NKAIN2: variants seen among roughly 807,000 people sequenced by gnomAD.
NKAIN2 encodes sodium/potassium transporting ATPase interacting 2, also known as sodium/potassium-transporting ATPase subunit beta-1-interacting protein 2.
Under a neutral mutation model 32.6 loss-of-function variants are expected in NKAIN2, and 14 were observed. The observed-to-expected ratio is 0.43, with a 90% CI of 0.28 to 0.67. The LOEUF is 0.67. Ranked by LOEUF, NKAIN2 falls within the 30% of genes least tolerant of loss-of-function variation. The probability of loss-of-function intolerance (pLI) is 0.17; values close to 1 mark genes in which losing one functional copy is unlikely to be tolerated. For missense variants in NKAIN2, 198 were observed against 258.3 expected (o/e 0.77, Z 1.60); for synonymous variants, 80 against 87.2 (o/e 0.92, Z 0.46).
chr6:124,818,348 C>A (rs866373018), intron 5 of NKAIN2, 39 bp from the exon 6 acceptor site: 4 of 1,092,742 alleles, frequency 3.7e-6, no homozygotes, highest in Non-Finnish European at 5.6e-6. Context: ...GGATGTATAT[C>A]TCTTCTGAAA....
At chr6:124,553,148 A>G (rs747691589) in intron 3 of NKAIN2, among the ~76,000 whole-genome samples, 1 of 152,188 alleles carries the variant, frequency 6.6e-6, no homozygotes, top group Non-Finnish European at 1.5e-5. Flanking sequence ...CTTGGGTAAA[A>G]TATTTTTATG....
At chr6:124,352,500 T>G (rs1236884608) in intron 2 of NKAIN2, among the ~76,000 whole-genome samples, 4 of 152,328 alleles carry the variant, frequency 2.6e-5, no homozygotes, top group Admixed American at 6.5e-5. Flanking sequence ...ATTGACATTT[T>G]TAAATACTAT....
At chr6:124,082,404 A>T (rs1784016854) in intron 1 of NKAIN2, among the ~76,000 whole-genome samples, 1 of 152,050 alleles carries the variant, frequency 6.6e-6, no homozygotes, top group Non-Finnish European at 1.5e-5. Context: ...GTAGACAGGC[A>T]TGTGAGAAAT....
intron 1 of NKAIN2, among the ~76,000 whole-genome samples, chr6:124,118,112 A>G (rs1785704164): frequency 6.6e-6 from 1 of 152,146 alleles, no homozygotes; most frequent in Non-Finnish European, 1.5e-5. Flanking sequence ...GGGATAAGGC[A>G]TGATGCTATC....
At chr6:124,402,267 A>T (rs1385905335) in intron 3 of NKAIN2, among the ~76,000 whole-genome samples, 1 of 152,194 alleles carries the variant, frequency 6.6e-6, no homozygotes, top group Admixed American at 6.5e-5. Context: ...GTGTAATCTA[A>T]TAGAAGTCGA....
intron 1 of NKAIN2, among the ~76,000 whole-genome samples, chr6:124,170,210 A>G (rs534568996): frequency 6.6e-6 from 1 of 151,862 alleles, no homozygotes; most frequent in South Asian, 2.1e-4. Flanking sequence ...TCCTCTTTGC[A>G]CTCTCTCTTT....
chr6:124,104,989 C>T (rs1465295413), intron 1 of NKAIN2, among the ~76,000 whole-genome samples: 1 of 152,086 alleles, frequency 6.6e-6, no homozygotes, highest in Non-Finnish European at 1.5e-5. Flanking sequence ...CAATGTTGGA[C>T]TTTGAATAGG....
intron 1 of NKAIN2, among the ~76,000 whole-genome samples, chr6:124,013,827 C>T (rs150561076): frequency 2.6e-5 from 4 of 152,224 alleles, no homozygotes; most frequent in African/African-American, 9.6e-5. Context: ...GAGATGTGGC[C>T]TTTCTGGCTT....
intron 4 of NKAIN2, among the ~76,000 whole-genome samples, chr6:124,692,892 T>C (rs1212740728): frequency 6.6e-6 from 1 of 152,160 alleles, no homozygotes; most frequent in African/African-American, 2.4e-5. Context: ...CAAGACGAAC[T>C]ATGCATTTGA....
At chr6:124,811,675 A>G (rs990917527) in intron 5 of NKAIN2, among the ~76,000 whole-genome samples, 1 of 152,154 alleles carries the variant, frequency 6.6e-6, no homozygotes, top group East Asian at 1.9e-4. Flanking sequence ...CCCACACTGC[A>G]GATAAGAAAA....
At chr6:124,189,680 C>G (rs1562411561) in intron 1 of NKAIN2, among the ~76,000 whole-genome samples, 1 of 151,926 alleles carries the variant, frequency 6.6e-6, no homozygotes, top group Non-Finnish European at 1.5e-5. Flanking sequence ...GACTCCATCT[C>G]AAAAAATAAA....
chr6:123,857,123 C>T (rs1775584468), intron 1 of NKAIN2, among the ~76,000 whole-genome samples: 1 of 152,062 alleles, frequency 6.6e-6, no homozygotes, highest in African/African-American at 2.4e-5. Context: ...GCTATGAAAC[C>T]TCTGTCCAGA....
chr6:123,952,075 A>G (rs1777353974), intron 1 of NKAIN2, among the ~76,000 whole-genome samples: 1 of 152,046 alleles, frequency 6.6e-6, no homozygotes, highest in African/African-American at 2.4e-5. Flanking sequence ...CATTTCTTGT[A>G]GGTACAGTCT....
intron 1 of NKAIN2, among the ~76,000 whole-genome samples, chr6:124,011,399 CTTT>C (rs78219806): frequency 2.1e-5 from 3 of 141,550 alleles, no homozygotes; most frequent in Non-Finnish European, 1.5e-5. Flanking sequence ...AATTCCTGTT[CTTT>C]TTTTTTTTTT....
intron 1 of NKAIN2, among the ~76,000 whole-genome samples, chr6:124,095,810 G>A (rs1446363511): frequency 2.0e-5 from 3 of 152,130 alleles, no homozygotes; most frequent in African/African-American, 7.2e-5. Flanking sequence ...TCAACATCAA[G>A]CTTACCTATT....
At chr6:124,338,775 A>AG (rs1350177861) in intron 2 of NKAIN2, among the ~76,000 whole-genome samples, 1 of 152,206 alleles carries the variant, frequency 6.6e-6, no homozygotes, top group Non-Finnish European at 1.5e-5. Context: ...ATAACCAAAA[A>AG]AAAATTTTCT....
At chr6:124,490,379 C>T (rs1475375065) in intron 3 of NKAIN2, 1 of 438,254 alleles carries the variant, frequency 2.3e-6, no homozygotes, top group Admixed American at 2.6e-5. Flanking sequence ...TGGAATTTCC[C>T]TCAAAGGAAA....
chr6:124,473,438 T>C (rs1442314586), intron 3 of NKAIN2, among the ~76,000 whole-genome samples: 1 of 152,202 alleles, frequency 6.6e-6, no homozygotes, highest in African/African-American at 2.4e-5. Flanking sequence ...CAGATTGTGT[T>C]TTTTTAATTC....
chr6:124,402,073 T>C (rs927787849), intron 3 of NKAIN2, among the ~76,000 whole-genome samples: 1 of 152,174 alleles, frequency 6.6e-6, no homozygotes, highest in African/African-American at 2.4e-5. Context: ...ACATGTTTGG[T>C]TGCCACAGCT....
Sources: allele counts gnomAD v4.1 joint callset (sites outside exome capture counted in the v4.1 genomes callset), GRCh38; gene constraint gnomAD v4.1.1; transcripts MANE v1.5; gene names NCBI Gene and HGNC (gene_info 2026-07-23, HGNC 2026-07-21).